The following TCF12 variants were observed in gnomAD, a reference collection of about 807,000 sequenced individuals.
TCF12 encodes transcription factor 12.
Under a neutral mutation model 86.0 loss-of-function variants are expected in TCF12, and 45 were observed. That is an observed-to-expected ratio of 0.52 (90% CI 0.41 to 0.67). The LOEUF is 0.67. Ranked by LOEUF, TCF12 falls within the 30% of genes least tolerant of loss-of-function variation. The pLI, the probability that TCF12 is intolerant of heterozygous loss-of-function variation, is 0.00. For missense variants in TCF12, 881 were observed against 859.9 expected (o/e 1.02, Z -0.31); for synonymous variants, 330 against 299.6 (o/e 1.10, Z -1.05).
intron 3 of TCF12, among the ~76,000 whole-genome samples, chr15:57,016,310 T>TG: frequency 6.6e-6 from 1 of 152,360 alleles, no homozygotes; most frequent in Admixed American, 6.5e-5. Flanking sequence ...TCTGTGTAAT[T>TG]GCCAATGCAT....
At chr15:56,956,810 A>T (rs1443191406) in intron 3 of TCF12, among the ~76,000 whole-genome samples, 2 of 151,310 alleles carry the variant, frequency 1.3e-5, no homozygotes, top group East Asian at 1.9e-4. Flanking sequence ...TTTTTTTTTT[A>T]AATTACAGAT....
chr15:56,963,027 CTTTTTT>C (rs532973260), intron 3 of TCF12, among the ~76,000 whole-genome samples: 4 of 96,240 alleles, frequency 4.2e-5, no homozygotes, highest in Admixed American at 3.4e-4. Flanking sequence ...GTGTTAAGGT[CTTTTTT>C]TTTTTTTTTT....
intron 5 of TCF12, among the ~76,000 whole-genome samples, chr15:57,135,399 A>G (rs1201702396): frequency 1.3e-5 from 2 of 152,192 alleles, no homozygotes; most frequent in East Asian, 1.9e-4. Flanking sequence ...CTATTTTTGT[A>G]TATTTAGCAC....
At chr15:57,063,311 A>G (rs1251998730) in intron 3 of TCF12, among the ~76,000 whole-genome samples, 1 of 152,206 alleles carries the variant, frequency 6.6e-6, no homozygotes, top group Non-Finnish European at 1.5e-5. Flanking sequence ...CTGATCAGAA[A>G]GAAACCAACT....
At chr15:57,011,984 G>A (rs2064862054) in intron 3 of TCF12, among the ~76,000 whole-genome samples, 2 of 152,244 alleles carry the variant, frequency 1.3e-5, no homozygotes, top group South Asian at 4.1e-4. Context: ...GGTGTGTATA[G>A]GAAATGATAC....
intron 5 of TCF12, among the ~76,000 whole-genome samples, chr15:57,117,934 G>T (rs2050955416): frequency 6.6e-6 from 1 of 152,086 alleles, no homozygotes; most frequent in Non-Finnish European, 1.5e-5. Context: ...TATAAGGGGG[G>T]GGAAGGCATA....
intron 6 of TCF12, among the ~76,000 whole-genome samples, chr15:57,189,131 A>G (rs1035376058): frequency 5.9e-5 from 9 of 152,192 alleles, no homozygotes; most frequent in Non-Finnish European, 1.2e-4. Flanking sequence ...TGAATATAAG[A>G]GCAAAAAACT....
At chr15:57,282,061 G>A in intron 19 of TCF12, 1 of 264,882 alleles carries the variant, frequency 3.8e-6, no homozygotes, top group Non-Finnish European at 7.3e-6. Flanking sequence ...AAGCACAGGT[G>A]TCTCTCTCTA....
chr15:57,174,631 A>T (rs2055774576), intron 6 of TCF12, among the ~76,000 whole-genome samples: 1 of 152,250 alleles, frequency 6.6e-6, no homozygotes, highest in Admixed American at 6.5e-5. Flanking sequence ...AGGAAATCCT[A>T]AGGAATCATC....
chr15:57,035,685 A>G (rs2066463888), intron 3 of TCF12, among the ~76,000 whole-genome samples: 1 of 152,110 alleles, frequency 6.6e-6, no homozygotes, highest in Non-Finnish European at 1.5e-5. Flanking sequence ...TTCTTTGTTT[A>G]TATTTTTGGG....
chr15:57,140,208 A>G (rs1236240678), intron 5 of TCF12, among the ~76,000 whole-genome samples: 2 of 152,226 alleles, frequency 1.3e-5, no homozygotes, highest in African/African-American at 4.8e-5. Context: ...CATACAACAG[A>G]ATATTATTGA....
At chr15:57,006,078 A>G (rs1259330342) in intron 3 of TCF12, among the ~76,000 whole-genome samples, 2 of 152,116 alleles carry the variant, frequency 1.3e-5, no homozygotes, top group African/African-American at 4.8e-5. Flanking sequence ...GTGGTTTGCA[A>G]TGTCTGTCAT....
At chr15:56,921,628 A>C (rs1417713658) in intron 3 of TCF12, among the ~76,000 whole-genome samples, 2 of 151,978 alleles carry the variant, frequency 1.3e-5, no homozygotes, top group Admixed American at 6.5e-5. Context: ...GTAACTTTTT[A>C]TTTAATTTAA....
chr15:57,219,720 CTTT>C (rs11395092), intron 8 of TCF12: 4,932 of 293,040 alleles, frequency 0.017, no homozygotes, highest in South Asian at 0.027. Context: ...TTGTAGATTT[CTTT>C]TTTTTTTTTT....
intron 19 of TCF12, among the ~76,000 whole-genome samples, chr15:57,279,618 A>G (rs1209129035): frequency 1.3e-5 from 2 of 152,296 alleles, no homozygotes; most frequent in African/African-American, 2.4e-5. Context: ...CTTTGTCTGA[A>G]TATAGGAACC....
At chr15:57,272,828 A>G (rs970523696) in intron 18 of TCF12, among the ~76,000 whole-genome samples, 1 of 152,244 alleles carries the variant, frequency 6.6e-6, no homozygotes, top group Non-Finnish European at 1.5e-5. Flanking sequence ...TGTATGTAGT[A>G]TATTTCAACT....
At chr15:56,977,592 C>A (rs2062677072) in intron 3 of TCF12, among the ~76,000 whole-genome samples, 1 of 151,832 alleles carries the variant, frequency 6.6e-6, no homozygotes, top group East Asian at 1.9e-4. Flanking sequence ...GAGAGACACA[C>A]ACACACAGAG....
At chr15:56,967,706 G>A (rs574489040) in intron 3 of TCF12, among the ~76,000 whole-genome samples, 4 of 152,172 alleles carry the variant, frequency 2.6e-5, no homozygotes, top group Non-Finnish European at 5.9e-5. Flanking sequence ...AAATTGCCGA[G>A]GATGGAGGGG....
At chr15:57,286,046 A>T (rs2061921224) in intron 20 of TCF12, 111 bp from the exon 21 acceptor site, 1 of 152,898 alleles carries the variant, frequency 6.5e-6, no homozygotes, top group African/African-American at 2.4e-5. Context: ...AGACCTGGAT[A>T]TAGATGAGGA....
Sources: allele counts gnomAD v4.1 joint callset (sites outside exome capture counted in the v4.1 genomes callset), GRCh38; gene constraint gnomAD v4.1.1; transcripts MANE v1.5; gene names NCBI Gene and HGNC (gene_info 2026-07-23, HGNC 2026-07-21).